Variants in DENND5A observed in about 807,000 individuals in gnomAD.
DENND5A encodes the protein DENN domain-containing protein 5A.
A neutral mutation model predicts 140.3 loss-of-function variants in DENND5A; 64 were observed. That is an observed-to-expected ratio of 0.46 (90% CI 0.37 to 0.56). DENND5A has a LOEUF of 0.56. DENND5A is among the 20% of genes least tolerant of loss of function. The probability of loss-of-function intolerance (pLI) is 0.00; values close to 1 mark genes in which losing one functional copy is unlikely to be tolerated. For missense variants in DENND5A, 1,292 were observed against 1,593.8 expected (o/e 0.81, Z 3.22); for synonymous variants, 605 against 607.7 (o/e 1.00, Z 0.07).
intron 1 of DENND5A, among the ~76,000 whole-genome samples, chr11:9,243,807 AC>A (rs1292515172): frequency 2.0e-5 from 3 of 151,974 alleles, no homozygotes; most frequent in Admixed American, 1.3e-4. Context: ...AATCACTTGA[AC>A]CTGGGAGGCA....
chr11:9,162,187 T>C (rs1007046831), intron 11 of DENND5A, among the ~76,000 whole-genome samples: 4 of 150,732 alleles, frequency 2.7e-5, no homozygotes, highest in East Asian at 1.9e-4. Flanking sequence ...ATATATAATA[T>C]ATATATGCTA....
At chr11:9,263,567 G>C (rs1352849451) in intron 1 of DENND5A, among the ~76,000 whole-genome samples, 1 of 149,372 alleles carries the variant, frequency 6.7e-6, no homozygotes, top group East Asian at 2.0e-4. Context: ...ACTGGGCCGG[G>C]CGCGGTGGCT....
intron 1 of DENND5A, among the ~76,000 whole-genome samples, chr11:9,246,881 G>A (rs894539728): frequency 6.6e-6 from 1 of 152,088 alleles, no homozygotes; most frequent in Non-Finnish European, 1.5e-5. Context: ...TCCAAGTATT[G>A]ATTCACAATT....
At chr11:9,209,757 A>AT (rs1308323219) in intron 1 of DENND5A, among the ~76,000 whole-genome samples, 5 of 151,984 alleles carry the variant, frequency 3.3e-5, no homozygotes, top group Non-Finnish European at 5.9e-5. Flanking sequence ...CAAACCTAAG[A>AT]TTTTTTTTAG....
At chr11:9,202,274 T>C (rs1342922029) in intron 4 of DENND5A, among the ~76,000 whole-genome samples, 2 of 152,218 alleles carry the variant, frequency 1.3e-5, no homozygotes, top group Non-Finnish European at 2.9e-5. Flanking sequence ...TAAATTATCA[T>C]AACAGACATT....
intron 13 of DENND5A, among the ~76,000 whole-genome samples, chr11:9,151,505 G>T (rs11042197): frequency 6.6e-6 from 1 of 151,998 alleles, no homozygotes; most frequent in Non-Finnish European, 1.5e-5. Flanking sequence ...TATCTCCCCA[G>T]GTTCAGTGCT....
rs140272602 is a variant in DENND5A at position 9,169,944 on chromosome 11, G to A, written c.2063C>T (p.Thr688Met). The change falls in exon 10 of 23, where the codon ACG (threonine) becomes ATG (methionine). Residue 688 changes from threonine (T) to methionine (M), a missense_variant. Transcript: ENST00000328194. ...LSTGPASNKW[T>M]KRNAPAQWRR... ...CCACTGGGCAGGGGCATTCCTTTTC[G>A]TCCACCTAACACAATCAGAACCAAA... The A allele has an allele frequency of 3.0e-4, 490 of 1,611,244 alleles. No homozygotes were observed. Among genetic ancestry groups the A allele is most frequent in the Non-Finnish European group, 3.9e-4 (464 of 1,177,782 alleles).
At chr11:9,228,621 C>T (rs932667467) in intron 1 of DENND5A, among the ~76,000 whole-genome samples, 1 of 150,992 alleles carries the variant, frequency 6.6e-6, no homozygotes, top group Non-Finnish European at 1.5e-5. Flanking sequence ...TGGTGGCATG[C>T]GGCAGAAGAA....
intron 12 of DENND5A, among the ~76,000 whole-genome samples, chr11:9,153,780 T>C (rs1192966617): frequency 1.3e-5 from 2 of 152,238 alleles, no homozygotes; most frequent in South Asian, 2.1e-4. Context: ...TAATAGAACC[T>C]TGGCGTTTGG....
At chr11:9,251,170 T>A (rs1484883916) in intron 1 of DENND5A, among the ~76,000 whole-genome samples, 3 of 148,864 alleles carry the variant, frequency 2.0e-5, no homozygotes, top group African/African-American at 7.4e-5. Flanking sequence ...AAGAAAGATA[T>A]CAAGGAATCC....
intron 21 of DENND5A, 101 bp from the exon 22 acceptor site, chr11:9,142,209 A>T: frequency 4.4e-6 from 4 of 917,740 alleles, no homozygotes. Flanking sequence ...CCACACAGGT[A>T]ACTTAATGAG....
Position 9,203,946 on chromosome 11 carries a change from G to A in DENND5A, c.663C>T (p.Ser221=), listed in dbSNP as rs149483625. ...TPMSFMKACR[S]VLEQLHQAVT... is the part of the protein sequence containing the mutation. The stretch of plus-strand genomic sequence containing the variant: ...CTGCCTGGTGGAGTTGCTCCAGCAC[G>A]CTCCGACATGCCTTCATGAAAGACA... Residue 221 remains serine, a synonymous_variant, in exon 4 of 23, where the codon AGC becomes AGT. Coordinates refer to ENST00000328194, the MANE Select transcript of DENND5A (RefSeq NM_015213.4). 2.5e-6 allele frequency: 4 copies of A among 1,613,990 alleles called. No homozygotes were observed. The highest frequency in any genetic ancestry group is 1.7e-5 in the Admixed American group (1 of 59,986).
chr11:9,261,287 A>C (rs1364365858), intron 1 of DENND5A, among the ~76,000 whole-genome samples: 1 of 152,180 alleles, frequency 6.6e-6, no homozygotes, highest in African/African-American at 2.4e-5. Flanking sequence ...GAGCTATGTA[A>C]GTTAACTGTG....
intron 8 of DENND5A, chr11:9,177,006 G>A (rs1848565638): frequency 2.3e-6 from 1 of 441,954 alleles, no homozygotes; most frequent in East Asian, 7.0e-5. Flanking sequence ...TATAATCCTA[G>A]CACTTTGGAA....
At chr11:9,150,331 T>C in intron 14 of DENND5A, 122 bp from the exon 15 acceptor site, 1 of 1,199,180 alleles carries the variant, frequency 8.3e-7, no homozygotes, top group Non-Finnish European at 1.2e-6. Context: ...TGGGAGAGCC[T>C]ATCTCTATAT....
At chr11:9,146,107 A>G (rs1015753320) in intron 16 of DENND5A, among the ~76,000 whole-genome samples, 1 of 152,232 alleles carries the variant, frequency 6.6e-6, no homozygotes, top group South Asian at 2.1e-4. Context: ...TCGTTAAACA[A>G]TATCCCCAAC....
At chr11:9,211,340 A>G (rs1217473236) in intron 1 of DENND5A, among the ~76,000 whole-genome samples, 3 of 152,290 alleles carry the variant, frequency 2.0e-5, no homozygotes, top group African/African-American at 7.2e-5. Context: ...GAAGACCCCA[A>G]GCAGCCAAGT....
In DENND5A at chr11:9,180,887, C is replaced by T. The variant is rs145710725; in HGVS notation, c.1335G>A (p.Ser445=). Residue 445 remains serine, a synonymous_variant, in exon 6 of 23, where the codon TCG becomes TCA. Transcript: ENST00000328194. The part of the protein sequence containing the change: ...LKRLRASELV[S]DKRNGNIAGS... ...CAGCAATGTTCCCATTCCTCTTGTC[C>T]GAGACAAGCTCAGAGGCCCGCAGCC... 2,236 of 1,614,150 alleles carry T rather than the reference C, an allele frequency of 1.4e-3. 8 individuals carry two copies. Among genetic ancestry groups the T allele is most frequent in the Non-Finnish European group, 1.2e-3 (1,415 of 1,180,032 alleles).
At chr11:9,261,838 GA>G (rs1169160332) in intron 1 of DENND5A, among the ~76,000 whole-genome samples, 3 of 140,944 alleles carry the variant, frequency 2.1e-5, no homozygotes, top group African/African-American at 7.9e-5. Context: ...CAACCCACCA[GA>G]AATGAAATGA....
Sources: allele counts gnomAD v4.1 joint callset (sites outside exome capture counted in the v4.1 genomes callset), GRCh38; gene constraint gnomAD v4.1.1; transcripts MANE v1.5; gene names NCBI Gene and HGNC (gene_info 2026-07-23, HGNC 2026-07-21).